CNTNAP2: variants seen among roughly 807,000 people sequenced by gnomAD.
CNTNAP2 encodes contactin-associated protein-like 2.
A neutral mutation model predicts 155.2 loss-of-function variants in CNTNAP2; 98 were observed. The observed-to-expected ratio is 0.63, with a 90% CI of 0.54 to 0.75. The LOEUF is 0.75. Among genes scored for constraint, CNTNAP2 ranks in the 30% least tolerant of loss-of-function variants. CNTNAP2 has a pLI of 0.00. For synonymous variants in CNTNAP2, 651 were observed against 631.2 expected, an observed-to-expected ratio of 1.03 and a Z score of -0.47; for missense variants, 1,727 against 1,688.1, an observed-to-expected ratio of 1.02 and a Z score of -0.40.
At chr7:147,433,176 A>G (rs541745855) in intron 10 of CNTNAP2, among the ~76,000 whole-genome samples, 63 of 152,290 alleles carry the variant, frequency 4.1e-4, no homozygotes, top group African/African-American at 1.4e-3. Context: ...CGCCTCTTTT[A>G]TATCATAATT....
chr7:146,819,897 A>G (rs935634099), intron 2 of CNTNAP2, among the ~76,000 whole-genome samples: 51 of 152,054 alleles, frequency 3.4e-4, no homozygotes, highest in Non-Finnish European at 6.3e-4. Flanking sequence ...ATACTCTCAT[A>G]TATCCACTTC....
intron 13 of CNTNAP2, among the ~76,000 whole-genome samples, chr7:147,829,813 C>T (rs189526246): frequency 2.6e-4 from 39 of 152,218 alleles, no homozygotes; most frequent in Admixed American, 9.2e-4. Context: ...AGAGTGACCA[C>T]CGGGCATCTG....
chr7:146,421,438 A>G (rs1326053011), intron 1 of CNTNAP2, among the ~76,000 whole-genome samples: 1 of 152,026 alleles, frequency 6.6e-6, no homozygotes, highest in African/African-American at 2.4e-5. Context: ...TAATGTGTAT[A>G]TACACAGAAG....
chr7:147,633,048 AAATTTGCAC>A (rs1439755945), intron 12 of CNTNAP2, among the ~76,000 whole-genome samples: 3 of 152,366 alleles, frequency 2.0e-5, no homozygotes, highest in Admixed American at 6.5e-5. Context: ...CAGGCTGCAG[AAATTTGCAC>A]AAGCAGCCCA....
intron 3 of CNTNAP2, among the ~76,000 whole-genome samples, chr7:146,994,317 A>G (rs1419680911): frequency 6.6e-6 from 1 of 152,108 alleles, no homozygotes; most frequent in African/African-American, 2.4e-5. Flanking sequence ...AAGGAATTTC[A>G]TGAATTGTTT....
chr7:146,418,813 T>A (rs1363598494), intron 1 of CNTNAP2, among the ~76,000 whole-genome samples: 14 of 151,970 alleles, frequency 9.2e-5, no homozygotes, highest in Admixed American at 9.2e-4. Context: ...GTCATTAGGG[T>A]TAATCCTAAT....
intron 8 of CNTNAP2, among the ~76,000 whole-genome samples, chr7:147,133,153 G>A (rs896125257): frequency 3.3e-5 from 5 of 152,046 alleles, no homozygotes; most frequent in Admixed American, 6.6e-5. Flanking sequence ...AATAGACTTC[G>A]CAACCTTGGA....
chr7:147,840,220 T>C (rs952155048), intron 13 of CNTNAP2, among the ~76,000 whole-genome samples: 3 of 152,272 alleles, frequency 2.0e-5, no homozygotes, highest in South Asian at 2.1e-4. Flanking sequence ...CAATGTACAC[T>C]ATTTGGGTGA....
intron 8 of CNTNAP2, among the ~76,000 whole-genome samples, chr7:147,287,759 G>A (rs191918945): frequency 6.6e-6 from 1 of 151,990 alleles, no homozygotes; most frequent in Non-Finnish European, 1.5e-5. Context: ...TCTCATTACA[G>A]TTAAATGGCA....
intron 4 of CNTNAP2, among the ~76,000 whole-genome samples, chr7:147,099,685 A>T (rs1403587318): frequency 6.6e-6 from 1 of 152,210 alleles, no homozygotes; most frequent in Non-Finnish European, 1.5e-5. Context: ...CTGAATAGAG[A>T]TTTTAAAAAT....
At chr7:146,548,458 G>C (rs569448276) in intron 1 of CNTNAP2, among the ~76,000 whole-genome samples, 1 of 151,906 alleles carries the variant, frequency 6.6e-6, no homozygotes, top group African/African-American at 2.4e-5. Flanking sequence ...CCATTACTGG[G>C]TATATACCCA....
At chr7:147,767,311 G>A (rs1222705889) in intron 13 of CNTNAP2, among the ~76,000 whole-genome samples, 2 of 151,992 alleles carry the variant, frequency 1.3e-5, no homozygotes, top group Non-Finnish European at 2.9e-5. Flanking sequence ...TGCAGTTTGA[G>A]CTAAATAAAC....
At chr7:147,001,907 T>G (rs1204920460) in intron 3 of CNTNAP2, among the ~76,000 whole-genome samples, 1 of 151,952 alleles carries the variant, frequency 6.6e-6, no homozygotes, top group Non-Finnish European at 1.5e-5. Context: ...ATAATTTATT[T>G]AAAAATGCTA....
Position 147,826,038 on chromosome 7 carries a change from C to T in CNTNAP2, c.2099-77527C>T, listed in dbSNP as rs527460982. ...AGGATAGATTGAGGGTAGTAATTTA[C>T]ATCAGGCTAAGGAGTTGTAGGCATT... is the stretch of plus-strand genomic sequence containing the variant. On this transcript the variant is annotated intron_variant, in intron 13 of 23. Coordinates refer to ENST00000361727, the MANE Select transcript of CNTNAP2 (RefSeq NM_014141.6). 2.6e-5 allele frequency among the ~76,000 whole-genome samples: 4 copies of T among 152,264 alleles called. No homozygotes were observed. The East Asian group carries it at 7.7e-4, about 29-fold the overall frequency.
Position 147,250,297 on chromosome 7 carries a change from G to A in CNTNAP2, c.1349-49844G>A, listed in dbSNP as rs1022057894. On this transcript the variant is annotated intron_variant, in intron 8 of 23. Coordinates refer to ENST00000361727, the MANE Select transcript of CNTNAP2 (RefSeq NM_014141.6). ...ATAACCTCTCCAAGTAAAACTTTTG[G>A]AAGGATAGTTTTGATCAAGAGAACC... Among the ~76,000 whole-genome samples the A allele has an allele frequency of 6.6e-5, 10 of 152,228 alleles. No homozygotes were observed. The South Asian group carries it at 2.1e-3, about 32-fold the overall frequency.
At chr7:146,228,275 A>C (rs1799328541) in intron 1 of CNTNAP2, among the ~76,000 whole-genome samples, 1 of 152,216 alleles carries the variant, frequency 6.6e-6, no homozygotes, top group Non-Finnish European at 1.5e-5. Context: ...TGGCCTAAAC[A>C]CCTTGTTTAG....
chr7:146,681,450 GCAGGGTGGCGGGGGGAGAGGGTA>G, intron 1 of CNTNAP2, among the ~76,000 whole-genome samples: 1 of 80,846 alleles, frequency 1.2e-5, no homozygotes, highest in African/African-American at 4.9e-5. Context: ...GTGGAGGGTG[GCAGGGTGGCGGGGGGAGAGGGTA>G]GAGGGTGGAA....
At chr7:147,830,905 T>C (rs1217667082) in intron 13 of CNTNAP2, among the ~76,000 whole-genome samples, 1 of 152,226 alleles carries the variant, frequency 6.6e-6, no homozygotes, top group East Asian at 1.9e-4. Flanking sequence ...ATGGCAAGTG[T>C]ATCCTCTCAA....
intron 13 of CNTNAP2, among the ~76,000 whole-genome samples, chr7:147,758,391 C>G (rs1399614527): frequency 1.3e-5 from 2 of 152,188 alleles, no homozygotes; most frequent in Non-Finnish European, 2.9e-5. Context: ...AGAGGACATT[C>G]CTACTGCTTT....
Sources: gnomAD v4.1 joint callset for allele counts (sites outside exome capture counted in the v4.1 genomes callset) on GRCh38, gnomAD v4.1.1 for gene constraint, MANE v1.5 for transcripts, NCBI Gene and HGNC (gene_info 2026-07-23, HGNC 2026-07-21) for gene names.